Variants in KAZN observed in about 807,000 individuals in gnomAD.
KAZN encodes the protein kazrin, periplakin interacting protein.
In KAZN, 40 loss-of-function variants were observed where a neutral mutation model predicts 87.4. The observed-to-expected ratio is 0.46, with a 90% CI of 0.36 to 0.60. The LOEUF (loss-of-function observed/expected upper bound fraction) is 0.60, where lower values mean the gene tolerates loss of function less well. KAZN is among the 20% of genes least tolerant of loss of function. The pLI is 0.00. For missense variants in KAZN, 898 were observed against 1,073.9 expected, an observed-to-expected ratio of 0.84 and a Z score of 2.29; for synonymous variants, 466 against 458.3, an observed-to-expected ratio of 1.02 and a Z score of -0.22.
intron 1 of KAZN, among the ~76,000 whole-genome samples, chr1:14,690,501 G>A (rs946964941): frequency 6.6e-6 from 1 of 152,128 alleles, no homozygotes; most frequent in African/African-American, 2.4e-5. Context: ...ACAATCGGTG[G>A]TTCACATGAC....
intron 2 of KAZN, among the ~76,000 whole-genome samples, chr1:14,341,624 A>G (rs1439831139): frequency 6.6e-6 from 1 of 152,058 alleles, no homozygotes; most frequent in Non-Finnish European, 1.5e-5. Context: ...AGTCATCCAC[A>G]TGGCTGACCC....
chr1:14,357,930 G>A (rs1659176142), intron 2 of KAZN, among the ~76,000 whole-genome samples: 1 of 152,108 alleles, frequency 6.6e-6, no homozygotes, highest in African/African-American at 2.4e-5. Flanking sequence ...GGATGAAGCT[G>A]GCCTCATTAA....
chr1:14,030,714 C>T (rs916238869), intron 1 of KAZN, among the ~76,000 whole-genome samples: 8 of 151,374 alleles, frequency 5.3e-5, no homozygotes, highest in African/African-American at 1.7e-4. Flanking sequence ...AACCTCTTTG[C>T]CAGCTTGGAC....
chr1:14,478,102 C>A (rs892913693), intron 2 of KAZN, among the ~76,000 whole-genome samples: 1 of 152,136 alleles, frequency 6.6e-6, no homozygotes. Flanking sequence ...CCAAATGAAA[C>A]ATAAGCATGT....
At chr1:14,544,350 C>CTTTTTTTTTTT (rs374148415) in intron 2 of KAZN, among the ~76,000 whole-genome samples, 128 of 98,100 alleles carry the variant, frequency 1.3e-3, no homozygotes, top group Non-Finnish European at 1.6e-3. Context: ...TTCTTTCTTT[C>CTTTTTTTTTTT]TTTTTTTTTT....
chr1:14,930,207 A>G (rs1659653240), intron 1 of KAZN, among the ~76,000 whole-genome samples: 1 of 152,066 alleles, frequency 6.6e-6, no homozygotes, highest in African/African-American at 2.4e-5. Context: ...CCAGGTGGGT[A>G]ATCTGCCGGT....
chr1:14,840,745 C>T (rs188784556), intron 1 of KAZN, among the ~76,000 whole-genome samples: 200 of 152,282 alleles, frequency 1.3e-3, no homozygotes, highest in Non-Finnish European at 1.5e-3. Flanking sequence ...GGTGGAGACC[C>T]TTCAAATCTA....
At chr1:14,298,884 A>G (rs1336283847) in intron 2 of KAZN, among the ~76,000 whole-genome samples, 1 of 152,182 alleles carries the variant, frequency 6.6e-6, no homozygotes, top group Non-Finnish European at 1.5e-5. Flanking sequence ...TACCTACACT[A>G]CACTCTCACT....
At chr1:14,259,494 C>T (rs536757070) in intron 2 of KAZN, among the ~76,000 whole-genome samples, 2 of 152,224 alleles carry the variant, frequency 1.3e-5, no homozygotes, top group South Asian at 4.2e-4. Flanking sequence ...ACGCCTTTGC[C>T]TTTCAGTCTT....
intron 2 of KAZN, among the ~76,000 whole-genome samples, chr1:14,345,715 T>TA (rs1011168139): frequency 2.6e-5 from 4 of 152,154 alleles, no homozygotes; most frequent in African/African-American, 9.7e-5. Flanking sequence ...ATTTGTTTTT[T>TA]AAAAAAATAA....
intron 2 of KAZN, among the ~76,000 whole-genome samples, chr1:14,564,852 A>G (rs1437329302): frequency 6.6e-6 from 1 of 152,038 alleles, no homozygotes; most frequent in Non-Finnish European, 1.5e-5. Flanking sequence ...AAAATAAAGT[A>G]AATGCCATAA....
rs190149281 is a variant in KAZN at position 14,769,243 on chromosome 1, G to A, written c.226+170020G>A. 4.6e-3 allele frequency among the ~76,000 whole-genome samples: 702 copies of A among 152,210 alleles called. 21 individuals are homozygous for A. The highest frequency in any genetic ancestry group is 5.2e-3 in the East Asian group (27 of 5,164). The stretch of plus-strand genomic sequence containing the variant: ...CTAGTTTCCATGGACTTTTGCTTGG[G>A]TTAGGATCATCAATGTCACCCCCAT... On this transcript the variant is annotated intron_variant, in intron 1 of 14. Transcript: ENST00000376030. The surrounding 1 kb of genome is among the most constrained non-coding windows in gnomAD (Gnocchi z 4.1).
At chr1:14,114,709 C>T (rs1295100522) in intron 1 of KAZN, among the ~76,000 whole-genome samples, 1 of 152,204 alleles carries the variant, frequency 6.6e-6, no homozygotes, top group East Asian at 1.9e-4. Context: ...ATACCTTGAT[C>T]TCTAAAAGTG....
At chr1:14,043,216 G>A (rs1421240785) in intron 1 of KAZN, among the ~76,000 whole-genome samples, 2 of 152,088 alleles carry the variant, frequency 1.3e-5, no homozygotes, top group Non-Finnish European at 2.9e-5. Flanking sequence ...CGTCTTTAAG[G>A]TTCATCTGTG....
intron 2 of KAZN, among the ~76,000 whole-genome samples, chr1:14,537,109 A>C (rs775351802): frequency 4.6e-5 from 7 of 152,184 alleles, no homozygotes; most frequent in Admixed American, 3.3e-4. Flanking sequence ...CATTTTTCTT[A>C]TGCTGATGGA....
At chr1:14,447,531 G>C (rs1159148310) in intron 2 of KAZN, among the ~76,000 whole-genome samples, 1 of 152,026 alleles carries the variant, frequency 6.6e-6, no homozygotes, top group South Asian at 2.1e-4. Flanking sequence ...GAGCCACCGC[G>C]CCCAGCCCTC....
intron 1 of KAZN, among the ~76,000 whole-genome samples, chr1:14,805,915 G>T (rs914337589): frequency 1.3e-5 from 2 of 152,138 alleles, no homozygotes; most frequent in African/African-American, 2.4e-5. Context: ...GGCGATTGCA[G>T]TGTTTGCCAC....
intron 2 of KAZN, among the ~76,000 whole-genome samples, chr1:14,499,204 C>T (rs1557760105): frequency 6.6e-6 from 1 of 152,070 alleles, no homozygotes. Flanking sequence ...TCAGGCAAGT[C>T]GTGTGAGTTC....
At chr1:14,085,204 T>C (rs1643818143) in intron 1 of KAZN, among the ~76,000 whole-genome samples, 1 of 152,238 alleles carries the variant, frequency 6.6e-6, no homozygotes, top group Admixed American at 6.5e-5. Flanking sequence ...TTTGAACTCA[T>C]TGTAATTAGG....
Sources: gnomAD v4.1 joint callset for allele counts (sites outside exome capture counted in the v4.1 genomes callset) on GRCh38, gnomAD v4.1.1 for gene constraint, Gnocchi (gnomAD v3.1) non-coding constraint, MANE v1.5 for transcripts, NCBI Gene and HGNC (gene_info 2026-07-23, HGNC 2026-07-21) for gene names.